The following LINGO2 variants were observed in gnomAD, a reference collection of about 807,000 sequenced individuals.
LINGO2 encodes the protein leucine rich repeat and Ig domain containing 2.
LINGO2 carries 14 observed loss-of-function variants against 30.6 expected under a neutral mutation model. That is an observed-to-expected ratio of 0.46 (90% CI 0.30 to 0.72). The LOEUF (loss-of-function observed/expected upper bound fraction) is 0.72. Among genes scored for constraint, LINGO2 ranks in the 30% least tolerant of loss-of-function variants. LINGO2 has a pLI of 0.07. For missense variants in LINGO2, 729 were observed against 751.7 expected (o/e 0.97, Z 0.35); for synonymous variants, 317 against 288.5 (o/e 1.10, Z -1.00).
the LINGO2 span, among the ~76,000 whole-genome samples, chr9:28,846,537 T>C: frequency 1.3e-5 from 2 of 148,168 alleles, 1 homozygote; most frequent in African/African-American, 5.1e-5. Context: ...ACCTACCAGA[T>C]AACACTGCAG....
chr9:28,639,511 G>A (rs1827465439), intron 1 of LINGO2, among the ~76,000 whole-genome samples: 1 of 152,096 alleles, frequency 6.6e-6, no homozygotes. Flanking sequence ...CTCCTGTGCT[G>A]GGTGCATATA....
chr9:28,575,459 G>C (rs1416223694), intron 1 of LINGO2, among the ~76,000 whole-genome samples: 1 of 150,750 alleles, frequency 6.6e-6, no homozygotes, highest in Non-Finnish European at 1.5e-5. Context: ...TCACTCATAA[G>C]AGGGAGCTAA....
At chr9:28,718,891 A>T in the LINGO2 span, among the ~76,000 whole-genome samples, 1 of 152,008 alleles carries the variant, frequency 6.6e-6, no homozygotes, top group Non-Finnish European at 1.5e-5. Context: ...TAAATCTATG[A>T]TCTGCCCCCT....
At chr9:29,105,531 G>C in the LINGO2 span, among the ~76,000 whole-genome samples, 21 of 152,198 alleles carry the variant, frequency 1.4e-4, no homozygotes, top group Non-Finnish European at 2.9e-5. Context: ...AAGATAGACC[G>C]TGTCCTTTGT....
intron 1 of LINGO2, among the ~76,000 whole-genome samples, chr9:28,514,969 C>G (rs1456298728): frequency 1.3e-5 from 2 of 151,682 alleles, no homozygotes; most frequent in Admixed American, 6.6e-5. Context: ...AACAGCACAT[C>G]TGTTTATAGC....
At chr9:28,290,768 G>A (rs2134166814) in intron 4 of LINGO2, among the ~76,000 whole-genome samples, 1 of 152,164 alleles carries the variant, frequency 6.6e-6, no homozygotes, top group African/African-American at 2.4e-5. Context: ...TTTTTTTTCA[G>A]AGGCCTGAAC....
At chr9:28,727,714 G>A in the LINGO2 span, among the ~76,000 whole-genome samples, 10 of 152,214 alleles carry the variant, frequency 6.6e-5, no homozygotes, top group Non-Finnish European at 1.0e-4. Flanking sequence ...GGGATGAAAT[G>A]TTTTGAAACA....
the LINGO2 span, among the ~76,000 whole-genome samples, chr9:29,064,029 T>C: frequency 6.6e-6 from 1 of 152,152 alleles, no homozygotes; most frequent in African/African-American, 2.4e-5. Flanking sequence ...AATTAGAAGC[T>C]TCACATGTGA....
the LINGO2 span, chr9:27,942,657 T>C: frequency 1.3e-5 from 2 of 152,108 alleles, no homozygotes; most frequent in African/African-American, 4.8e-5. Context: ...CTTTCAATCA[T>C]GGGATATTCT....
At chr9:29,100,712 A>C in the LINGO2 span, among the ~76,000 whole-genome samples, 1 of 152,166 alleles carries the variant, frequency 6.6e-6, no homozygotes, top group African/African-American at 2.4e-5. Flanking sequence ...AAATAACTGA[A>C]AGAGTATATT....
the LINGO2 span, among the ~76,000 whole-genome samples, chr9:29,180,444 G>T: frequency 6.6e-6 from 1 of 152,156 alleles, no homozygotes; most frequent in African/African-American, 2.4e-5. Flanking sequence ...CCTGGTTTAA[G>T]CAAGTTAACA....
At chr9:28,918,479 C>G in the LINGO2 span, among the ~76,000 whole-genome samples, 19 of 152,028 alleles carry the variant, frequency 1.2e-4, no homozygotes, top group African/African-American at 3.9e-4. Flanking sequence ...CCTTTTAATC[C>G]CTCCCATTCC....
chr9:28,360,740 A>G (rs1307183735), intron 3 of LINGO2, among the ~76,000 whole-genome samples: 1 of 152,108 alleles, frequency 6.6e-6, no homozygotes, highest in Non-Finnish European at 1.5e-5. Context: ...CTTTTCATAT[A>G]TTCCTGCTTC....
intron 2 of LINGO2, among the ~76,000 whole-genome samples, chr9:28,462,298 G>C (rs574635840): frequency 1.3e-5 from 2 of 150,094 alleles, no homozygotes; most frequent in Admixed American, 1.3e-4. Context: ...AATTATGGCA[G>C]ATAATTTGAT....
chr9:28,598,730 T>G (rs182458858), intron 1 of LINGO2: 46 of 152,180 alleles, frequency 3.0e-4, no homozygotes, highest in African/African-American at 1.0e-3. Context: ...CAATGCATAA[T>G]TAAATTCCTG....
chr9:28,074,330 G>A (rs1587812559), intron 4 of LINGO2, among the ~76,000 whole-genome samples: 1 of 152,110 alleles, frequency 6.6e-6, no homozygotes, highest in East Asian at 1.9e-4. Context: ...GTAAATCCAT[G>A]CAATTTGTCA....
At chr9:28,170,555 A>T (rs1341505815) in intron 4 of LINGO2, among the ~76,000 whole-genome samples, 1 of 152,208 alleles carries the variant, frequency 6.6e-6, no homozygotes, top group African/African-American at 2.4e-5. Context: ...ATGGTATATC[A>T]GCTTCCTAGT....
chr9:28,719,821 A>G, the LINGO2 span, among the ~76,000 whole-genome samples: 1 of 152,078 alleles, frequency 6.6e-6, no homozygotes, highest in Non-Finnish European at 1.5e-5. Context: ...TCAACTTGTT[A>G]TAAAATGAAC....
At chr9:29,155,230 G>T in the LINGO2 span, among the ~76,000 whole-genome samples, 4 of 152,086 alleles carry the variant, frequency 2.6e-5, no homozygotes, top group South Asian at 2.1e-4. Flanking sequence ...GGCACAAAAT[G>T]ATGTGTTCTT....
Sources: allele counts gnomAD v4.1 joint callset (sites outside exome capture counted in the v4.1 genomes callset), GRCh38; gene constraint gnomAD v4.1.1; transcripts MANE v1.5; gene names NCBI Gene and HGNC (gene_info 2026-07-23, HGNC 2026-07-21).